Variants in ERC1 observed in about 807,000 individuals in gnomAD.
The protein encoded by ERC1 is RAB6 interacting protein 2.
In ERC1, 56 loss-of-function variants were observed where a neutral mutation model predicts 132.0. The ratio of observed to expected loss-of-function variants is 0.42; its 90% CI spans 0.34 to 0.53. The LOEUF (loss-of-function observed/expected upper bound fraction) is 0.53. Among genes scored for constraint, ERC1 ranks in the 20% least tolerant of loss-of-function variants. The pLI is 0.03. For synonymous variants in ERC1, 478 were observed against 476.1 expected, an observed-to-expected ratio of 1.00 and a Z score of -0.05; for missense variants, 1,202 against 1,349.9, an observed-to-expected ratio of 0.89 and a Z score of 1.72.
At chr12:1,370,633 A>G (rs568204737) in intron 15 of ERC1, among the ~76,000 whole-genome samples, 1 of 152,360 alleles carries the variant, frequency 6.6e-6, no homozygotes, top group African/African-American at 2.4e-5. Context: ...TTACTTTTCA[A>G]ATTCAACTAC....
rs77979356 is a variant in ERC1 at position 1,254,558 on chromosome 12, G to A, written c.2488-8476G>A. On this transcript the variant is annotated intron_variant, in intron 13 of 18. Transcript: ENST00000360905. Reference sequence around the variant, plus strand: ...GCCAAAGTCTTACTCCCTCTCCCAGGCTGGAGTGTGGTGGCATAGTCTTGG... The same window carrying A: ...GCCAAAGTCTTACTCCCTCTCCCAGACTGGAGTGTGGTGGCATAGTCTTGG... 5.8e-3 allele frequency among the ~76,000 whole-genome samples: 880 copies of A among 151,738 alleles called. 11 individuals carry two copies. The highest frequency in any genetic ancestry group is 0.019 in the African/African-American group (799 of 41,320).
chr12:997,199 G>C (rs1478738746), intron 1 of ERC1, among the ~76,000 whole-genome samples: 3 of 152,184 alleles, frequency 2.0e-5, no homozygotes, highest in African/African-American at 7.2e-5. Context: ...GTGACTGCTA[G>C]GATCAAACAT....
chr12:1,216,614 A>ATGGGGGGCGGGGGGGAGGGG (rs1958440623), intron 12 of ERC1, among the ~76,000 whole-genome samples: 1 of 3,290 alleles, frequency 3.0e-4, no homozygotes, highest in African/African-American at 1.1e-3. Flanking sequence ...GGGAGGAGGG[A>ATGGGGGGCGGGGGGGAGGGG]TGGGGGGTGG....
At chr12:1,478,386 T>C (rs2094015682) in intron 18 of ERC1, among the ~76,000 whole-genome samples, 1 of 152,250 alleles carries the variant, frequency 6.6e-6, no homozygotes, top group East Asian at 1.9e-4. Flanking sequence ...TTTTTCATTA[T>C]TAACTGTTGT....
intron 11 of ERC1, among the ~76,000 whole-genome samples, 176 bp downstream of exon 11, chr12:1,183,597 A>G (rs1368691923): frequency 6.6e-6 from 1 of 152,224 alleles, no homozygotes; most frequent in African/African-American, 2.4e-5. Flanking sequence ...ATTTTATTCA[A>G]GATAATCCCC....
At chr12:1,096,729 A>C (rs532602163) in intron 3 of ERC1, among the ~76,000 whole-genome samples, 1 of 152,368 alleles carries the variant, frequency 6.6e-6, no homozygotes, top group East Asian at 1.9e-4. Context: ...TATGGAATGC[A>C]TGTAAGAAAT....
chr12:1,189,430 G>A (rs924472854), intron 11 of ERC1, among the ~76,000 whole-genome samples: 3 of 152,166 alleles, frequency 2.0e-5, no homozygotes, highest in Non-Finnish European at 4.4e-5. Flanking sequence ...TATAGGAAAT[G>A]GAAATGGAAG....
intron 12 of ERC1, among the ~76,000 whole-genome samples, chr12:1,201,096 A>G (rs1014414923): frequency 3.9e-5 from 6 of 152,232 alleles, no homozygotes; most frequent in Admixed American, 2.0e-4. Context: ...ACAATTTAAT[A>G]TAATTCAGTT....
chr12:1,015,507 A>G (rs1289264472), intron 1 of ERC1, among the ~76,000 whole-genome samples: 3 of 152,226 alleles, frequency 2.0e-5, no homozygotes, highest in African/African-American at 4.8e-5. Context: ...GGTACAAACA[A>G]TGCAATAATT....
At chr12:1,049,745 A>ATT (rs1759076916) in intron 2 of ERC1, among the ~76,000 whole-genome samples, 1 of 129,008 alleles carries the variant, frequency 7.8e-6, no homozygotes, top group Non-Finnish European at 1.7e-5. Context: ...GTGTTTTGTG[A>ATT]TCTTTTTTTT....
chr12:1,006,944 TATATAGTATATATA>T (rs1297640525), intron 1 of ERC1, among the ~76,000 whole-genome samples: 1 of 150,054 alleles, frequency 6.7e-6, no homozygotes, highest in African/African-American at 2.4e-5. Context: ...TATATATGTG[TATATAGTATATATA>T]ATATAGTATA....
intron 12 of ERC1, among the ~76,000 whole-genome samples, chr12:1,199,509 G>A (rs913582376): frequency 6.6e-6 from 1 of 152,210 alleles, no homozygotes; most frequent in Admixed American, 6.5e-5. Flanking sequence ...GGTGGTTCAC[G>A]CCTGTAATCC....
intron 3 of ERC1, among the ~76,000 whole-genome samples, chr12:1,097,345 G>A (rs1565957976): frequency 6.6e-6 from 1 of 152,186 alleles, no homozygotes; most frequent in African/African-American, 2.4e-5. Context: ...TTTACTTGGG[G>A]ATTAACTTGA....
chr12:1,406,483 TAG>T (rs1438445551), intron 16 of ERC1, among the ~76,000 whole-genome samples: 7 of 152,266 alleles, frequency 4.6e-5, no homozygotes, highest in African/African-American at 1.7e-4. Context: ...GTAGCTGAAA[TAG>T]AGAAAAAGTA....
At chr12:1,434,204 CGTG>C (rs1354605597) in intron 17 of ERC1, among the ~76,000 whole-genome samples, 1 of 152,142 alleles carries the variant, frequency 6.6e-6, no homozygotes, top group Non-Finnish European at 1.5e-5. Flanking sequence ...ATATCAAAAA[CGTG>C]GTCTCCATCC....
intron 18 of ERC1, among the ~76,000 whole-genome samples, chr12:1,456,305 T>C (rs2093532928): frequency 6.6e-6 from 1 of 152,254 alleles, no homozygotes; most frequent in African/African-American, 2.4e-5. Context: ...GCTAACTATA[T>C]GTAGTTAATT....
At chr12:1,106,940 A>G (rs1449628748) in intron 4 of ERC1, among the ~76,000 whole-genome samples, 1 of 152,232 alleles carries the variant, frequency 6.6e-6, no homozygotes, top group Non-Finnish European at 1.5e-5. Flanking sequence ...CACAACAGAA[A>G]TAGCTGTGTT....
At chr12:1,457,902 AAAAG>A (rs899307603) in intron 18 of ERC1, among the ~76,000 whole-genome samples, 1 of 152,176 alleles carries the variant, frequency 6.6e-6, no homozygotes, top group African/African-American at 2.4e-5. Flanking sequence ...CAAAAAAAGA[AAAAG>A]AAAAAGAAAA....
At chr12:1,351,311 A>G (rs1420143851) in intron 15 of ERC1, among the ~76,000 whole-genome samples, 2 of 152,142 alleles carry the variant, frequency 1.3e-5, no homozygotes, top group Non-Finnish European at 1.5e-5. Flanking sequence ...AATAATTTCT[A>G]TGTTTTGAGT....
Sources: allele counts gnomAD v4.1 joint callset (sites outside exome capture counted in the v4.1 genomes callset), GRCh38; gene constraint gnomAD v4.1.1; transcripts MANE v1.5; gene names NCBI Gene and HGNC (gene_info 2026-07-23, HGNC 2026-07-21).